TAFA2: variants seen among roughly 807,000 people sequenced by gnomAD.
The protein encoded by TAFA2 is chemokine-like protein TAFA-2.
In TAFA2, 7 loss-of-function variants were observed where a neutral mutation model predicts 18.8. That is an observed-to-expected ratio of 0.37 (90% CI 0.21 to 0.70). The LOEUF (loss-of-function observed/expected upper bound fraction) is 0.70. Ranked by LOEUF, TAFA2 falls within the 30% of genes least tolerant of loss-of-function variation. The probability of loss-of-function intolerance (pLI) is 0.53; values close to 1 mark genes in which losing one functional copy is unlikely to be tolerated. For synonymous variants in TAFA2, 60 were observed against 54.2 expected (o/e 1.11, Z -0.47); for missense variants, 122 against 158.1 (o/e 0.77, Z 1.23).
chr12:61,767,473 A>C (rs1249789034), intron 2 of TAFA2, among the ~76,000 whole-genome samples: 1 of 151,970 alleles, frequency 6.6e-6, no homozygotes, highest in Non-Finnish European at 1.5e-5. Flanking sequence ...ACCCTTCTGT[A>C]TGCTAAGAGG....
At chr12:61,776,154 C>T (rs1449731381) in intron 2 of TAFA2, 3 of 362,316 alleles carry the variant, frequency 8.3e-6, no homozygotes, top group Non-Finnish European at 1.6e-5. Context: ...TGTAAACAGA[C>T]AATTTAAGGG....
At chr12:62,252,120 G>A (rs1389586995) in intron 1 of TAFA2, 3 of 152,190 alleles carry the variant, frequency 2.0e-5, no homozygotes, top group Middle Eastern at 3.2e-3. Context: ...TCCTCTGCTG[G>A]TCTTGTTGGC....
intron 4 of TAFA2, among the ~76,000 whole-genome samples, chr12:61,745,948 T>C (rs1051997502): frequency 2.0e-5 from 3 of 152,048 alleles, no homozygotes; most frequent in South Asian, 2.1e-4. Context: ...AGACTCAACA[T>C]GCCATTGCTG....
chr12:62,155,721 T>C (rs2062364736), intron 1 of TAFA2, among the ~76,000 whole-genome samples: 1 of 152,234 alleles, frequency 6.6e-6, no homozygotes, highest in Non-Finnish European at 1.5e-5. Flanking sequence ...CAAATGGTGC[T>C]GGGATAACTG....
intron 4 of TAFA2, among the ~76,000 whole-genome samples, chr12:61,730,318 G>A (rs900322809): frequency 6.6e-6 from 1 of 152,088 alleles, no homozygotes; most frequent in Non-Finnish European, 1.5e-5. Flanking sequence ...GTTGTTCTAA[G>A]TTGTTATAAT....
chr12:61,960,814 C>T (rs911443823), intron 1 of TAFA2, among the ~76,000 whole-genome samples: 2 of 150,402 alleles, frequency 1.3e-5, no homozygotes, highest in Non-Finnish European at 3.0e-5. Flanking sequence ...ATTTGCTTTG[C>T]TTCAGCCATA....
chr12:62,083,921 G>C (rs922817319), intron 1 of TAFA2, among the ~76,000 whole-genome samples: 8 of 151,860 alleles, frequency 5.3e-5, no homozygotes, highest in African/African-American at 1.9e-4. Context: ...CTGTTATTTG[G>C]AGAATGCTTT....
chr12:61,733,902 T>A (rs1182796264), intron 4 of TAFA2, among the ~76,000 whole-genome samples: 1 of 149,954 alleles, frequency 6.7e-6, no homozygotes, highest in African/African-American at 2.5e-5. Context: ...TTCCTACCCA[T>A]GAGCATGGAA....
At chr12:61,745,675 C>T (rs1402566723) in intron 4 of TAFA2, among the ~76,000 whole-genome samples, 1 of 151,976 alleles carries the variant, frequency 6.6e-6, no homozygotes, top group African/African-American at 2.4e-5. Context: ...GATATACTCC[C>T]GAGATTTTCA....
At chr12:61,746,942 G>A (rs1364962097) in intron 4 of TAFA2, among the ~76,000 whole-genome samples, 1 of 152,030 alleles carries the variant, frequency 6.6e-6, no homozygotes, top group African/African-American at 2.4e-5. Context: ...CCTACAAAAT[G>A]GGAGAAAATT....
At chr12:61,805,988 T>C (rs1031670005) in intron 2 of TAFA2, among the ~76,000 whole-genome samples, 1 of 151,676 alleles carries the variant, frequency 6.6e-6, no homozygotes, top group Non-Finnish European at 1.5e-5. Flanking sequence ...AGAGAGAAAA[T>C]AATGGAAGGT....
At chr12:62,101,509 A>T (rs1005533278) in intron 1 of TAFA2, among the ~76,000 whole-genome samples, 15 of 152,220 alleles carry the variant, frequency 9.9e-5, no homozygotes, top group African/African-American at 3.4e-4. Flanking sequence ...CCCAAACGTA[A>T]CTCTTATTCA....
intron 1 of TAFA2, among the ~76,000 whole-genome samples, chr12:62,044,942 G>C (rs1288160953): frequency 1.3e-5 from 2 of 152,106 alleles, no homozygotes; most frequent in African/African-American, 4.8e-5. Flanking sequence ...ACCTCCATCT[G>C]TGTTCCTTGG....
intron 1 of TAFA2, among the ~76,000 whole-genome samples, chr12:62,233,061 C>T (rs932787551): frequency 3.7e-4 from 41 of 112,096 alleles, no homozygotes; most frequent in Admixed American, 2.0e-4. Context: ...GCAATTTCTG[C>T]ATCTCTTTTT....
At chr12:62,124,671 A>G (rs1168598633) in intron 1 of TAFA2, among the ~76,000 whole-genome samples, 2 of 152,192 alleles carry the variant, frequency 1.3e-5, no homozygotes, top group African/African-American at 4.8e-5. Flanking sequence ...GAAATTATAT[A>G]TAACTGTCTG....
intron 1 of TAFA2, among the ~76,000 whole-genome samples, chr12:62,182,567 C>T (rs1040861229): frequency 6.6e-6 from 1 of 152,330 alleles, no homozygotes; most frequent in Non-Finnish European, 1.5e-5. Flanking sequence ...CCAGAACCTT[C>T]ATTTTAGCAA....
chr12:62,101,935 T>G (rs1489132726), intron 1 of TAFA2, among the ~76,000 whole-genome samples: 1 of 151,814 alleles, frequency 6.6e-6, no homozygotes, highest in African/African-American at 2.4e-5. Context: ...GACAAAATGG[T>G]GAAAGAGCAA....
At chr12:61,917,408 C>T (rs1369266345) in intron 1 of TAFA2, among the ~76,000 whole-genome samples, 1 of 152,104 alleles carries the variant, frequency 6.6e-6, no homozygotes, top group Non-Finnish European at 1.5e-5. Flanking sequence ...GTATTCCTAA[C>T]AACTATGCAT....
intron 1 of TAFA2, among the ~76,000 whole-genome samples, chr12:62,002,900 A>G (rs536680689): frequency 1.3e-5 from 2 of 152,268 alleles, no homozygotes; most frequent in African/African-American, 4.8e-5. Context: ...AATTCACTCT[A>G]AAAATGCTTA....
Sources: gnomAD v4.1 joint callset for allele counts (sites outside exome capture counted in the v4.1 genomes callset) on GRCh38, gnomAD v4.1.1 for gene constraint, MANE v1.5 for transcripts, NCBI Gene and HGNC (gene_info 2026-07-23, HGNC 2026-07-21) for gene names.